POU2F2: variants seen among roughly 807,000 people sequenced by gnomAD.
The protein encoded by POU2F2 is POU class 2 homeobox 2, also known as POU domain, class 2, transcription factor 2.
Under a neutral mutation model 63.5 loss-of-function variants are expected in POU2F2, and 14 were observed. That is an observed-to-expected ratio of 0.22 (90% CI 0.15 to 0.34). The LOEUF (loss-of-function observed/expected upper bound fraction) is 0.34, where lower values mean the gene tolerates loss of function less well. Among genes scored for constraint, POU2F2 ranks in the 10% least tolerant of loss-of-function variants. The pLI, the probability that POU2F2 is intolerant of heterozygous loss-of-function variation, is 1.00. For synonymous variants in POU2F2, 306 were observed against 348.6 expected (o/e 0.88, Z 1.36); for missense variants, 607 against 815.2 (o/e 0.74, Z 3.11).
Position 42,152,382 on chromosome 19 carries a change from A to G in POU2F2, c.-9+7950T>C, listed in dbSNP as rs1226750528. On this transcript the variant is annotated intron_variant, in intron 2 of 6. Transcript: ENST00000524801. This position sits in a 1 kb window ranked among gnomAD's most constrained non-coding sequence, Gnocchi z 4.1. ...CCACAGCCTGCCAAGAAGGCCCCAG[A>G]TGGGCCGAGGACTATAGGGGTCCCG... 1.3e-5 allele frequency among the ~76,000 whole-genome samples: 2 copies of G among 151,902 alleles called. No homozygotes were observed. Among genetic ancestry groups the G allele is most frequent in the African/African-American group, 4.8e-5 (2 of 41,346 alleles).
rs925331068 is a variant in POU2F2, at chr19:42,156,682, G to A, written c.-9+3650C>T. On this transcript the variant is annotated intron_variant, in intron 2 of 6. Transcript: ENST00000524801. The surrounding 1 kb of genome is among the most constrained non-coding windows in gnomAD (Gnocchi z 4.1). ...GCCTGGGGCATGTGGACAAGTCCCT[G>A]ACACCACGCCCTGGCTTCTCCGGCT... The A allele has an allele frequency of 6.6e-6, 1 of 152,314 alleles. No homozygotes were observed. Among genetic ancestry groups the A allele is most frequent in the African/African-American group, 2.4e-5 (1 of 41,440 alleles). 9.4% of individuals were successfully genotyped at this position (152,314 alleles called of 1,614,324 possible).
chr19:42,149,259 T>TC (rs1219502633), intron 2 of POU2F2, among the ~76,000 whole-genome samples: 3 of 152,120 alleles, frequency 2.0e-5, no homozygotes, highest in African/African-American at 7.2e-5. Flanking sequence ...AGTTCCCAGC[T>TC]CCATCTCTGC....
At position 42,095,479 on chromosome 19, in the gene POU2F2, C is replaced by T. The variant is rs765765061; in HGVS notation, c.1021-17G>A. On this transcript the variant is annotated splice_polypyrimidine_tract_variant and intron_variant, in intron 10 of 14. Transcript: ENST00000692977. This position sits in a 1 kb window ranked among gnomAD's most constrained non-coding sequence, Gnocchi z 7.1. Reference sequence around the variant, plus strand: ...CTTCTGGTTCTGCAGGCAGAGGGCTCGTTAGCCCGAGGCCCACCGCCCGCC... The same window carrying T: ...CTTCTGGTTCTGCAGGCAGAGGGCTTGTTAGCCCGAGGCCCACCGCCCGCC... 6 of 1,610,044 alleles carry T rather than the reference C, an allele frequency of 3.7e-6. No homozygotes were observed. In the African/African-American group the frequency reaches 6.7e-5, roughly 18 times the overall value.
chr19:42,157,894 T>G (rs538389237), intron 2 of POU2F2, among the ~76,000 whole-genome samples: 1 of 151,826 alleles, frequency 6.6e-6, no homozygotes. Context: ...CACGGGAGCA[T>G]AGGCAGCAGA....
chr19:42,108,774 G>A, intron 5 of POU2F2, among the ~76,000 whole-genome samples: 1 of 152,156 alleles, frequency 6.6e-6, no homozygotes, highest in Middle Eastern at 3.2e-3. Flanking sequence ...GGGTGGAGAA[G>A]GTATAGTAAG....
At chr19:42,107,130 T>C (rs932832959) in intron 5 of POU2F2, among the ~76,000 whole-genome samples, 1 of 152,116 alleles carries the variant, frequency 6.6e-6, no homozygotes, top group South Asian at 2.1e-4. Flanking sequence ...GGCGAATCAC[T>C]TGAGTTCAGG....
In POU2F2 at chr19:42,174,261, CAT is replaced by C. The variant is rs1269825707; in HGVS notation, c.-70+1700_-70+1701del. ...TCTCCATGCAGAAATGGTACTTTCA[CAT>C]ATGTGACTTTTTTTGATGTGCACCC... On this transcript the variant is annotated intron_variant, in intron 1 of 6. Transcript: ENST00000524801. 4.6e-5 allele frequency among the ~76,000 whole-genome samples: 7 copies of C among 152,214 alleles called. No homozygotes were observed. The South Asian group carries it at 1.0e-3, about 22-fold the overall frequency.
At position 42,095,420 on chromosome 19, in the gene POU2F2, G is replaced by C. The variant is rs568046945; in HGVS notation, c.1063C>G (p.Gln355Glu). The C allele has an allele frequency of 4.3e-6, 7 of 1,613,702 alleles. No homozygotes were observed. In the South Asian group the frequency reaches 7.7e-5, roughly 18 times the overall value. ...TSEEILLIAE[Q>E]LHMEKEVIRV... ...ATCACTTCCTTCTCCATGTGCAGCT[G>C]CTCGGCGATCAGCAGGATCTCCTCT... The change falls in exon 11 of 15, where the codon CAG becomes GAG. Residue 355 changes from glutamine (Q) to glutamate (E), a missense_variant. This residue lies in a region of POU2F2 where 36 missense variants were observed against 63.8 expected (regional missense o/e 0.56). Coordinates refer to ENST00000692977, the MANE Select transcript of POU2F2 (RefSeq NM_001394376.1). This position sits in a 1 kb window ranked among gnomAD's most constrained non-coding sequence, Gnocchi z 7.1.
At chr19:42,163,334 C>T (rs1475462999) in intron 1 of POU2F2, among the ~76,000 whole-genome samples, 1 of 151,824 alleles carries the variant, frequency 6.6e-6, no homozygotes, top group Non-Finnish European at 1.5e-5. Context: ...ACGAGATGAG[C>T]CAGGGATTGA....
chr19:42,154,198 G>C (rs993540252), intron 2 of POU2F2, among the ~76,000 whole-genome samples: 2 of 151,972 alleles, frequency 1.3e-5, no homozygotes, highest in Non-Finnish European at 2.9e-5. Flanking sequence ...GGAAAAAAAG[G>C]GGGGGACAGG....
intron 1 of POU2F2, among the ~76,000 whole-genome samples, chr19:42,183,527 T>C (rs74550425): frequency 0.035 from 5,264 of 152,176 alleles, 313 homozygotes; most frequent in African/African-American, 0.12. Context: ...TACACAACTG[T>C]GTGTGTGTGT....
At chr19:42,188,984 A>T (rs2035047831) in intron 1 of POU2F2, among the ~76,000 whole-genome samples, 2 of 148,980 alleles carry the variant, frequency 1.3e-5, no homozygotes, top group African/African-American at 4.9e-5. Flanking sequence ...TACAGAAGCC[A>T]AGGAAGGAAA....
At chr19:42,116,472 A>G (rs2031873571) in intron 5 of POU2F2, among the ~76,000 whole-genome samples, 2 of 152,236 alleles carry the variant, frequency 1.3e-5, no homozygotes, top group East Asian at 1.9e-4. Context: ...ACTGCCCCCA[A>G]CACACCACCA....
intron 2 of POU2F2, among the ~76,000 whole-genome samples, chr19:42,143,997 A>T (rs2034181635): frequency 6.6e-6 from 1 of 151,952 alleles, no homozygotes; most frequent in Admixed American, 6.6e-5. Flanking sequence ...CCCAAACTGA[A>T]TGTTTATGCC....
intron 1 of POU2F2, among the ~76,000 whole-genome samples, chr19:42,181,393 G>T (rs1333653815): frequency 6.6e-6 from 1 of 152,182 alleles, no homozygotes; most frequent in Non-Finnish European, 1.5e-5. Flanking sequence ...CCATCTCTGG[G>T]TACAGGTGTG....
intron 2 of POU2F2, among the ~76,000 whole-genome samples, chr19:42,158,708 T>C (rs2034501127): frequency 6.6e-6 from 1 of 152,234 alleles, no homozygotes; most frequent in African/African-American, 2.4e-5. Flanking sequence ...GGATATTTAA[T>C]GAACATCTAT....
At chr19:42,132,563 G>A (rs938693322), upstream of POU2F2, 3 of 611,012 alleles carry the variant, frequency 4.9e-6, no homozygotes, top group Admixed American at 4.3e-5. Context: ...CCACAGACCC[G>A]CCCCGGCAGC....
At chr19:42,154,697 T>C (rs1425515003) in intron 2 of POU2F2, among the ~76,000 whole-genome samples, 1 of 151,904 alleles carries the variant, frequency 6.6e-6, no homozygotes, top group Non-Finnish European at 1.5e-5. Flanking sequence ...GGTAACCCAC[T>C]AGAGACTCTG....
chr19:42,141,434 A>G (rs1439802913), intron 2 of POU2F2, among the ~76,000 whole-genome samples: 1 of 150,628 alleles, frequency 6.6e-6, no homozygotes. Context: ...CATCTGTGAA[A>G]TGGGGGCAGT....
Sources: gnomAD v4.1 joint callset for allele counts (sites outside exome capture counted in the v4.1 genomes callset) on GRCh38, gnomAD v4.1.1 for gene constraint, gnomAD v4.1.1 regional missense constraint, Gnocchi (gnomAD v3.1) non-coding constraint, MANE v1.5 for transcripts, NCBI Gene and HGNC (gene_info 2026-07-23, HGNC 2026-07-21) for gene names.